Variants in POU2F3 observed in about 807,000 individuals in gnomAD.
POU2F3 encodes POU domain, class 2, transcription factor 3.
In POU2F3, 23 loss-of-function variants were observed where a neutral mutation model predicts 59.2. The observed-to-expected ratio is 0.39, with a 90% confidence interval of 0.28 to 0.55. The LOEUF is 0.55. Among genes scored for constraint, POU2F3 ranks in the 20% least tolerant of loss-of-function variants. The probability of loss-of-function intolerance (pLI) is 0.66; values close to 1 mark genes in which losing one functional copy is unlikely to be tolerated. For synonymous variants in POU2F3, 190 were observed against 214.6 expected (o/e 0.89, Z 1.00); for missense variants, 473 against 544.5 (o/e 0.87, Z 1.31).
chr11:120,272,216 C>T (rs1429296591), intron 3 of POU2F3, among the ~76,000 whole-genome samples: 8 of 152,276 alleles, frequency 5.3e-5, no homozygotes, highest in East Asian at 1.9e-4. Context: ...CAGGCAGCCC[C>T]GCCTTTTTCA....
At chr11:120,253,352 C>T (rs1012188207) in intron 2 of POU2F3, among the ~76,000 whole-genome samples, 6 of 152,136 alleles carry the variant, frequency 3.9e-5, no homozygotes, top group Non-Finnish European at 8.8e-5. Context: ...CTCCACCTCC[C>T]GGGTTCAAGC....
At chr11:120,314,925 A>T (rs1240731691) in intron 10 of POU2F3, among the ~76,000 whole-genome samples, 1 of 152,200 alleles carries the variant, frequency 6.6e-6, no homozygotes, top group Non-Finnish European at 1.5e-5. Context: ...AGGCTGAGCA[A>T]CCCTGCTGTC....
intron 10 of POU2F3, among the ~76,000 whole-genome samples, 190 bp from the exon 11 acceptor site, chr11:120,315,171 C>T (rs1941752248): frequency 6.6e-6 from 1 of 152,216 alleles, no homozygotes; most frequent in Non-Finnish European, 1.5e-5. Flanking sequence ...CAGACTGGAC[C>T]TGGTTCTGGA....
intron 10 of POU2F3, among the ~76,000 whole-genome samples, chr11:120,313,131 A>T (rs901425536): frequency 3.7e-4 from 56 of 152,128 alleles, no homozygotes; most frequent in African/African-American, 1.3e-3. Context: ...TGTCATAGGA[A>T]CTTTGGAATC....
chr11:120,247,613 A>G (rs994932805), intron 2 of POU2F3, among the ~76,000 whole-genome samples: 3 of 152,242 alleles, frequency 2.0e-5, no homozygotes, highest in African/African-American at 4.8e-5. Context: ...CTCATGTTTC[A>G]ATAGATTATT....
intron 2 of POU2F3, among the ~76,000 whole-genome samples, chr11:120,248,794 G>A (rs1938974665): frequency 6.6e-6 from 1 of 152,212 alleles, no homozygotes. Flanking sequence ...AAGTCGTTCT[G>A]ACTCATTTTC....
chr11:120,276,333 G>A (rs1483150637), intron 3 of POU2F3, among the ~76,000 whole-genome samples: 1 of 152,198 alleles, frequency 6.6e-6, no homozygotes, highest in Non-Finnish European at 1.5e-5. Flanking sequence ...AAGATGTAGG[G>A]TCTGCCGCAG....
chr11:120,267,721 G>A (rs1006202612), intron 2 of POU2F3, among the ~76,000 whole-genome samples: 2 of 151,334 alleles, frequency 1.3e-5, no homozygotes, highest in Non-Finnish European at 2.9e-5. Context: ...AGGAACTGTG[G>A]TCATTTTGTG....
At chr11:120,273,798 CT>C (rs1940183415) in intron 3 of POU2F3, among the ~76,000 whole-genome samples, 1 of 152,044 alleles carries the variant, frequency 6.6e-6, no homozygotes, top group Non-Finnish European at 1.5e-5. Flanking sequence ...GGTGGATCAC[CT>C]GAGGTCAGGA....
At chr11:120,300,356 A>G (rs144071487) in intron 5 of POU2F3, among the ~76,000 whole-genome samples, 1 of 152,292 alleles carries the variant, frequency 6.6e-6, no homozygotes, top group Non-Finnish European at 1.5e-5. Flanking sequence ...TAGTTCTATT[A>G]TGCCTCTGGT....
At position 120,305,778 on chromosome 11, in the gene POU2F3, T is replaced by A. The variant is rs769540019; in HGVS notation, c.762T>A (p.Asn254Lys). The change falls in exon 8 of 13, where the codon AAT becomes AAA. Residue 254 changes from asparagine to lysine, a missense_variant. Physicochemically the swap from Asn to Lys is moderately conservative, Grantham distance 94 (BLOSUM62 0). Transcript: ENST00000543440. The part of the protein sequence containing the change: ...KLKPLLEKWL[N>K]DAESSPSDPS... ...AGCCCCTGCTGGAGAAGTGGCTGAATGATGCAGGTAGGCCTCGCAAACACG... is the reference window on the plus strand; with the variant it reads ...AGCCCCTGCTGGAGAAGTGGCTGAAAGATGCAGGTAGGCCTCGCAAACACG... The A allele has an allele frequency of 6.2e-7, 1 of 1,613,468 alleles. No homozygotes were observed. Among genetic ancestry groups the A allele is most frequent in the Non-Finnish European group, 8.5e-7 (1 of 1,179,998 alleles).
intron 3 of POU2F3, among the ~76,000 whole-genome samples, chr11:120,277,967 A>G (rs1270181073): frequency 6.6e-6 from 1 of 152,242 alleles, no homozygotes; most frequent in African/African-American, 2.4e-5. Context: ...ACACAAGTAC[A>G]GGCTGATATT....
At chr11:120,264,880 G>A (rs1328110542) in intron 2 of POU2F3, among the ~76,000 whole-genome samples, 1 of 152,234 alleles carries the variant, frequency 6.6e-6, no homozygotes, top group Non-Finnish European at 1.5e-5. Context: ...TCGTGGACCA[G>A]TTTTTAACAC....
At chr11:120,255,697 T>C (rs1273007734) in intron 2 of POU2F3, among the ~76,000 whole-genome samples, 1 of 151,918 alleles carries the variant, frequency 6.6e-6, no homozygotes, top group Non-Finnish European at 1.5e-5. Flanking sequence ...CTGGGGGTGG[T>C]TGGAGGAGTC....
intron 2 of POU2F3, chr11:120,253,559 A>G (rs1328942314): frequency 2.0e-5 from 3 of 152,246 alleles, no homozygotes; most frequent in Non-Finnish European, 4.4e-5. Flanking sequence ...GCACCCAGCC[A>G]ACATTTCTAA....
intron 3 of POU2F3, among the ~76,000 whole-genome samples, chr11:120,286,821 CT>C (rs138754962): frequency 1.7e-4 from 25 of 148,812 alleles, no homozygotes; most frequent in African/African-American, 3.0e-4. Context: ...TATGTTTGAG[CT>C]TTTTTTTTTG....
chr11:120,305,599 AGG>A, intron 7 of POU2F3, 43 bp from the exon 8 acceptor site: 6 of 1,604,378 alleles, frequency 3.7e-6, no homozygotes, highest in Non-Finnish European at 5.1e-6. Context: ...AAACAAGAGG[AGG>A]AGGCTGCCTC....
chr11:120,287,833 A>G (rs1401072901), intron 3 of POU2F3, among the ~76,000 whole-genome samples: 2 of 152,284 alleles, frequency 1.3e-5, no homozygotes, highest in Non-Finnish European at 2.9e-5. Context: ...CCAGTAGCCA[A>G]CCTATTTAGA....
chr11:120,313,768 A>G (rs926196716), intron 10 of POU2F3, among the ~76,000 whole-genome samples: 3 of 152,114 alleles, frequency 2.0e-5, no homozygotes, highest in Non-Finnish European at 4.4e-5. Flanking sequence ...AATCCCAGCA[A>G]TTTGGGAGGC....
Sources: gnomAD v4.1 joint callset for allele counts (sites outside exome capture counted in the v4.1 genomes callset) on GRCh38, gnomAD v4.1.1 for gene constraint, MANE v1.5 for transcripts, NCBI Gene and HGNC (gene_info 2026-07-23, HGNC 2026-07-21) for gene names.